The following BMP7 variants were observed in gnomAD, a reference collection of about 807,000 sequenced individuals.
BMP7 encodes osteogenic protein 1.
A neutral mutation model predicts 41.2 loss-of-function variants in BMP7; 12 were observed. That is an observed-to-expected ratio of 0.29 (90% confidence interval 0.19 to 0.47). BMP7 has a LOEUF of 0.47. BMP7 is among the 20% of genes least tolerant of loss of function. BMP7 has a pLI of 0.99. For synonymous variants in BMP7, 248 were observed against 250.0 expected (o/e 0.99, Z 0.07); for missense variants, 467 against 606.0 (o/e 0.77, Z 2.41).
In BMP7 at chr20:57,201,340, T is replaced by C. The variant is rs141541293; in HGVS notation, c.760+1135A>G. Reference sequence around the variant, plus strand: ...ACAGTGTGTGGGTGGCAGAGCTACATGGACACAAAACACATGGAACAAGGA... The same window carrying C: ...ACAGTGTGTGGGTGGCAGAGCTACACGGACACAAAACACATGGAACAAGGA... On this transcript the variant is annotated intron_variant, in intron 3 of 6. Transcript: ENST00000395863. Among the ~76,000 whole-genome samples, 308 of 152,294 alleles carry C rather than the reference T, an allele frequency of 2.0e-3. 2 individuals are homozygous for C. The highest frequency in any genetic ancestry group is 6.3e-3 in the African/African-American group (261 of 41,556).
chr20:57,260,851 C>T (rs1036214413), intron 1 of BMP7, among the ~76,000 whole-genome samples: 3 of 152,220 alleles, frequency 2.0e-5, no homozygotes, highest in Admixed American at 6.5e-5. Flanking sequence ...ACAGCCCCCC[C>T]GCTAAGACTG....
rs1363990875 is a variant in BMP7, at chr20:57,224,364, C to T, written c.611+3865G>A. 6.6e-6 allele frequency among the ~76,000 whole-genome samples: 1 copy of T among 152,210 alleles called. No individual in the cohort carries two copies. The highest frequency in any genetic ancestry group is 1.5e-5 in the Non-Finnish European group (1 of 68,040). ...GACTCCCTTGGAGCAGATTCTGCTGCCCTGGCTGGCCTTGGCCTCCCAGGG... is the reference window on the plus strand; with the variant it reads ...GACTCCCTTGGAGCAGATTCTGCTGTCCTGGCTGGCCTTGGCCTCCCAGGG... On this transcript the variant is annotated intron_variant, in intron 2 of 6. Transcript: ENST00000395863. This position sits in a 1 kb window ranked among gnomAD's most constrained non-coding sequence, Gnocchi z 4.8.
chr20:57,183,307 A>G (rs1412337173), intron 4 of BMP7, among the ~76,000 whole-genome samples: 2 of 152,164 alleles, frequency 1.3e-5, no homozygotes, highest in East Asian at 3.9e-4. Context: ...CATGAATTTA[A>G]AATATTTTTC....
intron 1 of BMP7, among the ~76,000 whole-genome samples, chr20:57,237,836 G>A (rs932922298): frequency 4.6e-5 from 7 of 152,256 alleles, no homozygotes; most frequent in African/African-American, 1.7e-4. Context: ...AGAGCCGTCA[G>A]TTGTACTGTA....
At chr20:57,207,529 A>G (rs1984759535) in intron 2 of BMP7, among the ~76,000 whole-genome samples, 1 of 152,254 alleles carries the variant, frequency 6.6e-6, no homozygotes, top group Non-Finnish European at 1.5e-5. Flanking sequence ...TGTTTATAAC[A>G]GAAAAACTGA....
intron 3 of BMP7, 84 bp downstream of exon 3, chr20:57,202,391 G>A: frequency 1.3e-6 from 2 of 1,539,940 alleles, no homozygotes; most frequent in Middle Eastern, 4.5e-4. Flanking sequence ...TGTTTGTAGT[G>A]AAGCAAGCAT....
rs556019743 is a variant in BMP7 at position 57,215,566 on chromosome 20, A to T, written c.611+12663T>A. On this transcript the variant is annotated intron_variant, in intron 2 of 6. Transcript: ENST00000395863. This position sits in a 1 kb window ranked among gnomAD's most constrained non-coding sequence, Gnocchi z 4.2. ...CCGCGAGCTGGATTCCAGCTCACAG[A>T]ACACACCAAGAACTCTGGTGAAACA... The T allele has an allele frequency of 2.0e-5, 3 of 152,360 alleles. No homozygotes were observed. The South Asian group carries it at 6.2e-4, about 32-fold the overall frequency. 9.4% of individuals were successfully genotyped at this position (152,360 alleles called of 1,614,324 possible).
chr20:57,227,115 C>T (rs946305317), intron 2 of BMP7, among the ~76,000 whole-genome samples: 4 of 152,272 alleles, frequency 2.6e-5, no homozygotes, highest in African/African-American at 9.6e-5. Context: ...GCGTGAGCTA[C>T]CACACCCGGC....
chr20:57,227,034 C>A (rs1452454392), intron 2 of BMP7, among the ~76,000 whole-genome samples: 1 of 152,048 alleles, frequency 6.6e-6, no homozygotes, highest in Non-Finnish European at 1.5e-5. Flanking sequence ...ACCGTGTTGG[C>A]CAGGCTGGTC....
intron 1 of BMP7, among the ~76,000 whole-genome samples, chr20:57,229,988 G>A (rs1397780442): frequency 6.6e-6 from 1 of 152,212 alleles, no homozygotes; most frequent in Non-Finnish European, 1.5e-5. Flanking sequence ...AGGAAGAAGG[G>A]GCAGATGAAG....
At chr20:57,193,297 A>G (rs1984420064) in intron 3 of BMP7, among the ~76,000 whole-genome samples, 1 of 152,094 alleles carries the variant, frequency 6.6e-6, no homozygotes, top group South Asian at 2.1e-4. Context: ...TCCCCAAGAG[A>G]CATGTGGCAA....
At chr20:57,255,337 T>C (rs769067913) in intron 1 of BMP7, among the ~76,000 whole-genome samples, 12 of 152,212 alleles carry the variant, frequency 7.9e-5, no homozygotes, top group Non-Finnish European at 1.8e-4. Context: ...CTGAGAGAAC[T>C]GCATGAGGGC....
intron 2 of BMP7, chr20:57,226,008 C>G (rs1048798147): frequency 8.6e-6 from 4 of 464,828 alleles, no homozygotes; most frequent in African/African-American, 6.0e-5. Context: ...CCCCCAGGAG[C>G]AGGACCCCAG....
Position 57,181,859 on chromosome 20 carries a change from T to C in BMP7, c.958+1863A>G, listed in dbSNP as rs138862443. On this transcript the variant is annotated intron_variant, in intron 4 of 6. Coordinates refer to ENST00000395863, the MANE Select transcript of BMP7 (RefSeq NM_001719.3). ...CACCCTGCTACACAGAGCCCGCGTA[T>C]TGGAAGGCCAGCTGATTAGCACCTG... is the stretch of plus-strand genomic sequence containing the variant. Among the ~76,000 whole-genome samples, 831 of 152,372 alleles carry C rather than the reference T, an allele frequency of 5.5e-3. 9 individuals are homozygous for C. Among genetic ancestry groups the C allele is most frequent in the African/African-American group, 0.019 (785 of 41,586 alleles).
chr20:57,260,227 C>T (rs1430409703), intron 1 of BMP7, among the ~76,000 whole-genome samples: 2 of 152,088 alleles, frequency 1.3e-5, no homozygotes, highest in Admixed American at 6.5e-5. Flanking sequence ...AGAATGCTTC[C>T]GAGAAAGGAT....
chr20:57,254,305 G>A (rs1055065303), intron 1 of BMP7, among the ~76,000 whole-genome samples: 31 of 152,102 alleles, frequency 2.0e-4, no homozygotes, highest in Admixed American at 2.0e-4. Flanking sequence ...TTACAGGCGT[G>A]AGCCACCGCG....
At chr20:57,176,390 G>A (rs1983922455) in intron 4 of BMP7, among the ~76,000 whole-genome samples, 1 of 152,142 alleles carries the variant, frequency 6.6e-6, no homozygotes, top group Non-Finnish European at 1.5e-5. Flanking sequence ...CATTTGACTT[G>A]GGTTTCTGAT....
At chr20:57,234,941 T>G (rs2066042149) in intron 1 of BMP7, among the ~76,000 whole-genome samples, 1 of 152,250 alleles carries the variant, frequency 6.6e-6, no homozygotes, top group Admixed American at 6.5e-5. Context: ...TCACGAAGTG[T>G]GATGAATTTC....
In BMP7 at chr20:57,228,557, C is replaced by G; in HGVS notation, c.419-136G>C. On this transcript the variant is annotated intron_variant, in intron 1 of 6. Transcript: ENST00000395863. The surrounding 1 kb of genome is among the most constrained non-coding windows in gnomAD (Gnocchi z 4.5). ...TTGCCAGTGACCCCAGTGACAACTG[C>G]TCCTTCCTCACCAACACACTGTAGA... 1.9e-6 allele frequency: 2 copies of G among 1,029,460 alleles called. No homozygotes were observed. The highest frequency in any genetic ancestry group is 3.0e-6 in the Non-Finnish European group (2 of 667,320). 63.8% of individuals were successfully genotyped at this position (1,029,460 alleles called of 1,614,324 possible). A position where few individuals can be genotyped will look rare whatever the true frequency, so the allele number is the denominator to read the frequency against.
Sources: allele counts gnomAD v4.1 joint callset (sites outside exome capture counted in the v4.1 genomes callset), GRCh38; gene constraint gnomAD v4.1.1; non-coding constraint Gnocchi (gnomAD v3.1); transcripts MANE v1.5; gene names NCBI Gene and HGNC (gene_info 2026-07-23, HGNC 2026-07-21).